Variants in UIMC1 observed in about 807,000 individuals in gnomAD.
UIMC1 encodes BRCA1-A complex subunit RAP80.
UIMC1 carries 42 observed loss-of-function variants against 84.9 expected under a neutral mutation model. The observed-to-expected ratio is 0.49, with a 90% confidence interval of 0.39 to 0.64. UIMC1 has a LOEUF of 0.64. Ranked by LOEUF, UIMC1 falls within the 30% of genes least tolerant of loss-of-function variation. The pLI is 0.00. For synonymous variants in UIMC1, 281 were observed against 293.0 expected, an observed-to-expected ratio of 0.96 and a Z score of 0.42; for missense variants, 825 against 847.6, an observed-to-expected ratio of 0.97 and a Z score of 0.33.
intron 1 of UIMC1, among the ~76,000 whole-genome samples, chr5:176,985,604 C>A (rs1295317289): frequency 6.6e-6 from 1 of 151,884 alleles, no homozygotes; most frequent in Non-Finnish European, 1.5e-5. Flanking sequence ...AATTTACCTA[C>A]AAGTTTTTTT....
intron 1 of UIMC1, among the ~76,000 whole-genome samples, chr5:176,984,246 C>A (rs1771578903): frequency 7.9e-6 from 1 of 125,942 alleles, no homozygotes; most frequent in South Asian, 2.5e-4. Flanking sequence ...GTGAGGAGTG[C>A]CTCTGCCCGG....
intron 10 of UIMC1, among the ~76,000 whole-genome samples, chr5:176,934,394 T>C (rs780505087): frequency 7.2e-5 from 11 of 152,202 alleles, no homozygotes; most frequent in African/African-American, 2.7e-4. Flanking sequence ...TAAGCAGTCA[T>C]GTCCCTTTAC....
intron 1 of UIMC1, among the ~76,000 whole-genome samples, chr5:176,983,515 G>A (rs970434089): frequency 5.3e-5 from 8 of 152,150 alleles, no homozygotes; most frequent in Non-Finnish European, 8.8e-5. Flanking sequence ...GATTGCAGAC[G>A]GAGTCTCGCT....
chr5:176,974,635 CA>C (rs1769772708), intron 3 of UIMC1, among the ~76,000 whole-genome samples: 1 of 151,950 alleles, frequency 6.6e-6, no homozygotes, highest in Non-Finnish European at 1.5e-5. Context: ...CGCTTGAGGT[CA>C]GGAGCTGGAG....
intron 1 of UIMC1, among the ~76,000 whole-genome samples, chr5:176,997,591 A>AG (rs1176427977): frequency 2.7e-5 from 4 of 150,538 alleles, no homozygotes; most frequent in African/African-American, 9.8e-5. Context: ...AGGCTGAGGC[A>AG]GGAGAATGCC....
Position 176,968,589 on chromosome 5 carries a change from A to G in UIMC1, c.1166T>C (p.Leu389Ser), listed in dbSNP as rs767187555. The G allele has an allele frequency of 1.9e-6, 3 of 1,612,528 alleles. No individual in the cohort carries two copies. Among genetic ancestry groups the G allele is most frequent in the Non-Finnish European group, 2.5e-6 (3 of 1,179,488 alleles). The change falls in exon 6 of 15, where the codon TTG becomes TCG. Residue 389 changes from leucine (L) to serine (S), a missense_variant. Leu to Ser is a moderately radical substitution (Grantham distance 145). Coordinates refer to ENST00000511320, the MANE Select transcript of UIMC1 (RefSeq NM_001199298.2). ...ACTGGTTGTTGGTTCTTCCTCCAAC[A>G]AAAGTTTCTCTTTCAAGCTTTTAAT... ...SSIKSLKEKL[L>S]LEEEPTTSHG...
intron 1 of UIMC1, among the ~76,000 whole-genome samples, chr5:177,021,743 C>T (rs1464163998): frequency 6.6e-6 from 1 of 152,090 alleles, no homozygotes; most frequent in East Asian, 1.9e-4. Flanking sequence ...ACCTCTGCCT[C>T]CCGGGTTCAA....
chr5:176,976,270 G>A lies in UIMC1; in HGVS notation c.148-790C>T, dbSNP rs142858483. Reference sequence around the variant, plus strand: ...TTCCAGGCTGCAGCAAGCTAAGATCGCACCACGATATTCCAGCCTGGGAGA... The same window carrying A: ...TTCCAGGCTGCAGCAAGCTAAGATCACACCACGATATTCCAGCCTGGGAGA... On this transcript the variant is annotated intron_variant, in intron 2 of 14. Transcript: ENST00000511320. Among the ~76,000 whole-genome samples, 1,386 of 152,104 alleles carry A rather than the reference G, an allele frequency of 9.1e-3. 8 individuals carry two copies. Among genetic ancestry groups the A allele is most frequent in the South Asian group, 0.025 (120 of 4,820 alleles).
intron 10 of UIMC1, among the ~76,000 whole-genome samples, chr5:176,926,112 A>G (rs1398182492): frequency 6.6e-6 from 1 of 152,090 alleles, no homozygotes; most frequent in Non-Finnish European, 1.5e-5. Flanking sequence ...TAACGGAGGG[A>G]AAAAGACTGG....
At chr5:177,021,540 G>A (rs1775824592) in intron 1 of UIMC1, among the ~76,000 whole-genome samples, 2 of 152,172 alleles carry the variant, frequency 1.3e-5, no homozygotes, top group South Asian at 4.1e-4. Context: ...CACCCCAGGA[G>A]GCCTGGATAA....
rs754815729 is a variant in UIMC1, at chr5:176,927,851, C to CT, written c.1597+15483dup. Reference sequence around the variant, plus strand: ...GGCAAACCATGGGATGGCCAGCCAGCTTTTTTTTTTTTTTTTTGAGACAGA... The same window carrying CT: ...GGCAAACCATGGGATGGCCAGCCAGCTTTTTTTTTTTTTTTTTTGAGACAGA... On this transcript the variant is annotated intron_variant, in intron 10 of 14. Transcript: ENST00000511320. 4.9e-3 allele frequency among the ~76,000 whole-genome samples: 675 copies of CT among 136,564 alleles called. 4 individuals carry two copies. The highest frequency in any genetic ancestry group is 0.017 in the East Asian group (80 of 4,754). The allele number at this position is 136,564 out of a possible 152,430, so 89.6% of individuals were successfully genotyped here. A position where few individuals can be genotyped will look rare whatever the true frequency, so the allele number is the denominator to read the frequency against.
intron 10 of UIMC1, among the ~76,000 whole-genome samples, chr5:176,925,453 GC>G (rs1308416498): frequency 6.6e-6 from 1 of 152,030 alleles, no homozygotes; most frequent in Non-Finnish European, 1.5e-5. Context: ...TTATAACCTA[GC>G]AATTCCATTC....
At chr5:176,983,556 G>C (rs1771382372) in intron 1 of UIMC1, among the ~76,000 whole-genome samples, 1 of 151,970 alleles carries the variant, frequency 6.6e-6, no homozygotes, top group African/African-American at 2.4e-5. Context: ...CCAGGCTGGA[G>C]TGCAGTGGCA....
Position 176,992,096 on chromosome 5 carries a change from C to T in UIMC1, c.-8-9473G>A, listed in dbSNP as rs117887032. ...CATGATGGCGCCACTGCACTCTAGC[C>T]TGGGCAACAGAGTGAGACCTCATCT... On this transcript the variant is annotated intron_variant, in intron 1 of 14. Coordinates refer to ENST00000511320, the MANE Select transcript of UIMC1 (RefSeq NM_001199298.2). 5.3e-5 allele frequency among the ~76,000 whole-genome samples: 8 copies of T among 150,052 alleles called. No homozygotes were observed. The East Asian group carries it at 1.5e-3, about 29-fold the overall frequency.
At position 176,950,598 on chromosome 5, in the gene UIMC1, G is replaced by A. The variant is rs914454426; in HGVS notation, c.1443+876C>T. ...AAAATACATACTGAGGACCGGGCGC[G>A]GTGGCTCACGCCTGTAATCCCAGCA... On this transcript the variant is annotated intron_variant, in intron 9 of 14. Transcript: ENST00000511320. Among the ~76,000 whole-genome samples, 14 of 151,844 alleles carry A rather than the reference G, an allele frequency of 9.2e-5. No individual in the cohort carries two copies. In the East Asian group the frequency reaches 1.4e-3, roughly 15 times the overall value.
At chr5:176,937,347 T>C (rs1483073443) in intron 10 of UIMC1, among the ~76,000 whole-genome samples, 1 of 151,938 alleles carries the variant, frequency 6.6e-6, no homozygotes, top group Non-Finnish European at 1.5e-5. Context: ...TACAAAAAAT[T>C]AGCCGAGCGT....
chr5:176,993,275 T>C (rs1773144055), intron 1 of UIMC1, among the ~76,000 whole-genome samples: 1 of 151,580 alleles, frequency 6.6e-6, no homozygotes, highest in South Asian at 2.1e-4. Context: ...AATCTCAACC[T>C]CCTAGACTCA....
chr5:176,906,044 G>GC lies in UIMC1; in HGVS notation c.1915dup (p.Ala639GlyfsTer35), dbSNP rs1561698442. The GC allele has an allele frequency of 1.9e-6, 3 of 1,613,794 alleles. No individual in the cohort carries two copies. The South Asian group carries it at 3.3e-5, about 18-fold the overall frequency. ...TCCTGTTTCTGAAGACTTGATGTCT[G>GC]CATCTGTGATATAAAAGAAAAAATA... is the stretch of plus-strand genomic sequence containing the variant. On this transcript the variant is annotated frameshift_variant, in exon 14 of 15. Transcript: ENST00000511320. LOFTEE classifies it high-confidence loss of function.
chr5:176,933,595 A>G (rs1418470811), intron 10 of UIMC1, among the ~76,000 whole-genome samples: 9 of 151,728 alleles, frequency 5.9e-5, no homozygotes, highest in Non-Finnish European at 8.8e-5. Context: ...GAGTGGTGCA[A>G]TCACAATCAC....
Sources: allele counts gnomAD v4.1 joint callset (sites outside exome capture counted in the v4.1 genomes callset), GRCh38; gene constraint gnomAD v4.1.1; transcripts MANE v1.5; gene names NCBI Gene and HGNC (gene_info 2026-07-23, HGNC 2026-07-21).